The following COL11A1 variants were observed in gnomAD, a reference collection of about 807,000 sequenced individuals.
COL11A1 encodes collagen alpha-1(XI) chain.
Under a neutral mutation model 265.2 loss-of-function variants are expected in COL11A1, and 74 were observed. That is an observed-to-expected ratio of 0.28 (90% CI 0.23 to 0.34). The LOEUF (loss-of-function observed/expected upper bound fraction) is 0.34. Ranked by LOEUF, COL11A1 falls within the 10% of genes least tolerant of loss-of-function variation. The pLI, the probability that COL11A1 is intolerant of heterozygous loss-of-function variation, is 1.00. For missense variants in COL11A1, 2,165 were observed against 2,263.6 expected (o/e 0.96, Z 0.88); for synonymous variants, 816 against 727.6 (o/e 1.12, Z -1.96).
chr1:102,996,089 C>G (rs1358506373), intron 26 of COL11A1, 47 bp from the exon 27 acceptor site: 2 of 1,572,058 alleles, frequency 1.3e-6, no homozygotes, highest in East Asian at 4.5e-5. Context: ...ATTGAAAGTG[C>G]TACTCATTTA....
At chr1:102,993,755 T>G (rs934333981) in intron 28 of COL11A1, among the ~76,000 whole-genome samples, 2 of 152,148 alleles carry the variant, frequency 1.3e-5, no homozygotes, top group Non-Finnish European at 2.9e-5. Flanking sequence ...CCCAGGCTGG[T>G]CTTGAACTAC....
chr1:103,092,498 T>C (rs1164126938), intron 1 of COL11A1, among the ~76,000 whole-genome samples: 2 of 152,104 alleles, frequency 1.3e-5, no homozygotes, highest in African/African-American at 2.4e-5. Flanking sequence ...CCATTACACA[T>C]GGCACCATTC....
chr1:102,973,214 CTTTG>C (rs906474213), intron 36 of COL11A1, among the ~76,000 whole-genome samples: 4 of 152,110 alleles, frequency 2.6e-5, no homozygotes, highest in Non-Finnish European at 4.4e-5. Flanking sequence ...ATAAAAATCA[CTTTG>C]TTTATCAGTG....
At chr1:102,930,083 TTCCTTC>T (rs891050581) in intron 46 of COL11A1, among the ~76,000 whole-genome samples, 4 of 152,190 alleles carry the variant, frequency 2.6e-5, no homozygotes, top group African/African-American at 7.2e-5. Context: ...TACCCTTTAT[TTCCTTC>T]TCCTGCCTAA....
At chr1:102,967,274 T>A in intron 37 of COL11A1, among the ~76,000 whole-genome samples, 1 of 116,836 alleles carries the variant, frequency 8.6e-6, no homozygotes, top group South Asian at 3.1e-4. Flanking sequence ...GGAGTCTCGC[T>A]CTGTCGCCCA....
In COL11A1 at chr1:103,057,260, A is replaced by G. The variant is rs375588365; in HGVS notation, c.651+17358T>C. 2.8e-4 allele frequency among the ~76,000 whole-genome samples: 43 copies of G among 152,308 alleles called. No individual in the cohort carries two copies. The South Asian group carries it at 2.9e-3, about 10-fold the overall frequency. On this transcript the variant is annotated intron_variant, in intron 4 of 66. Coordinates refer to ENST00000370096, the MANE Select transcript of COL11A1 (RefSeq NM_001854.4). ...AGAAGTAGATTCCATCTCAGAAAAAAACACTTTATTTCCTTATCCATAAGA... is the reference window on the plus strand; with the variant it reads ...AGAAGTAGATTCCATCTCAGAAAAAGACACTTTATTTCCTTATCCATAAGA...
chr1:102,900,989 T>C (rs1426933866), intron 54 of COL11A1, among the ~76,000 whole-genome samples: 1 of 151,942 alleles, frequency 6.6e-6, no homozygotes, highest in Non-Finnish European at 1.5e-5. Flanking sequence ...GGTGTTAAGG[T>C]CATGAGGGCT....
chr1:102,898,961 G>T lies in COL11A1; in HGVS notation c.4120C>A (p.Gln1374Lys). The T allele has an allele frequency of 6.5e-7, 1 of 1,528,374 alleles. No individual in the cohort carries two copies. The highest frequency in any genetic ancestry group is 8.9e-7 in the Non-Finnish European group (1 of 1,128,156). 94.7% of individuals were successfully genotyped at this position (1,528,374 alleles called of 1,614,324 possible). A position where few individuals can be genotyped will look rare whatever the true frequency, so the allele number is the denominator to read the frequency against. The change falls in exon 55 of 67, where the codon CAA becomes AAA. Residue 1374 changes from glutamine to lysine, a missense_variant. Gln to Lys is a moderately conservative substitution (Grantham distance 53, BLOSUM62 1). Transcript: ENST00000370096. ...PPGAAGAEGRQGEKGAKGEAG... is the reference protein window; with the variant it reads ...PPGAAGAEGRKGEKGAKGEAG... ...TTTACCTTAGCACCTTTTTCACCTTGTCTTCCCTCTGCACCTGCAGCTCCA... is the reference window on the plus strand; with the variant it reads ...TTTACCTTAGCACCTTTTTCACCTTTTCTTCCCTCTGCACCTGCAGCTCCA...
chr1:102,904,665 C>A (rs558524723), intron 54 of COL11A1, among the ~76,000 whole-genome samples: 167 of 152,032 alleles, frequency 1.1e-3, no homozygotes, highest in African/African-American at 3.9e-3. Flanking sequence ...CAAATCAAAA[C>A]CACAATGAGA....
intron 24 of COL11A1, 94 bp downstream of exon 24, chr1:103,001,831 T>C (rs746165621): frequency 7.6e-5 from 83 of 1,093,074 alleles, no homozygotes; most frequent in Non-Finnish European, 1.1e-4. Context: ...TATCTAGATA[T>C]CTTAACAAAA....
intron 53 of COL11A1, among the ~76,000 whole-genome samples, chr1:102,913,398 A>G (rs1486254896): frequency 2.6e-5 from 4 of 152,206 alleles, no homozygotes; most frequent in Non-Finnish European, 4.4e-5. Flanking sequence ...TGACAACCTT[A>G]TTAGTATAAT....
At chr1:103,037,252 T>TTGTGTGTGTG (rs10582908) in intron 4 of COL11A1, among the ~76,000 whole-genome samples, 104 of 145,220 alleles carry the variant, frequency 7.2e-4, no homozygotes, top group African/African-American at 2.6e-3. Context: ...TACATTTAGA[T>TTGTGTGTGTG]TGTGTGTGTG....
chr1:103,074,927 T>A, intron 3 of COL11A1, 147 bp from the exon 4 acceptor site: 1 of 921,278 alleles, frequency 1.1e-6, no homozygotes, highest in Non-Finnish European at 1.7e-6. Flanking sequence ...AGCAGCCAGT[T>A]AACAGATGAC....
chr1:103,091,863 A>C (rs1258317781), intron 1 of COL11A1, among the ~76,000 whole-genome samples: 1 of 152,078 alleles, frequency 6.6e-6, no homozygotes, highest in African/African-American at 2.4e-5. Flanking sequence ...AAGACAATAT[A>C]TATCAGTAAC....
At chr1:102,887,622 G>C (rs1651163980) in intron 62 of COL11A1, among the ~76,000 whole-genome samples, 1 of 152,074 alleles carries the variant, frequency 6.6e-6, no homozygotes, top group Non-Finnish European at 1.5e-5. Flanking sequence ...ATATCAAATA[G>C]TTATCATATT....
chr1:103,103,033 C>T lies in COL11A1; in HGVS notation c.106+5040G>A, dbSNP rs1039447633. ...CTACTAAGAGTGACTACTTCCTATA[C>T]ATTAACTGCCCATTTATGCCTAAGC... On this transcript the variant is annotated intron_variant, in intron 1 of 66. Transcript: ENST00000370096. Among the ~76,000 whole-genome samples the T allele has an allele frequency of 3.6e-4, 55 of 152,124 alleles. 1 individual carries two copies. Among genetic ancestry groups the T allele is most frequent in the Admixed American group, 1.8e-3 (28 of 15,264 alleles).
At chr1:103,072,106 A>T (rs549292165) in intron 4 of COL11A1, among the ~76,000 whole-genome samples, 2 of 152,012 alleles carry the variant, frequency 1.3e-5, no homozygotes, top group East Asian at 3.9e-4. Context: ...GAAATTATAA[A>T]ATCTGAATTA....
In COL11A1 at chr1:103,021,714, A is replaced by G. The variant is rs779627216; in HGVS notation, c.1301T>C (p.Val434Ala). The change falls in exon 9 of 67, where the codon GTT becomes GCT. Residue 434 changes from valine (V) to alanine (A), a missense_variant. Val to Ala is a moderately conservative substitution (Grantham distance 64). Transcript: ENST00000370096. ...EKGQKGEPAV[V>A]EPGMLVEGPP... ...ATTCACACTACTACTTACAGGCTCA[A>G]CCACTGCTGGTTCTCCTTTCTGTCC... is the stretch of plus-strand genomic sequence containing the variant. The G allele has an allele frequency of 3.7e-6, 6 of 1,610,802 alleles. No homozygotes were observed. The highest frequency in any genetic ancestry group is 1.7e-4 in the Middle Eastern group (1 of 6,052).
At chr1:102,904,666 C>T (rs1159179282) in intron 54 of COL11A1, among the ~76,000 whole-genome samples, 6 of 152,048 alleles carry the variant, frequency 3.9e-5, no homozygotes, top group Non-Finnish European at 8.8e-5. Flanking sequence ...AAATCAAAAC[C>T]ACAATGAGAT....
Sources: gnomAD v4.1 joint callset for allele counts (sites outside exome capture counted in the v4.1 genomes callset) on GRCh38, gnomAD v4.1.1 for gene constraint, MANE v1.5 for transcripts, NCBI Gene and HGNC (gene_info 2026-07-23, HGNC 2026-07-21) for gene names.